The following REV1 variants were observed in gnomAD, a reference collection of about 807,000 sequenced individuals.
The protein encoded by REV1 is REV1 DNA directed polymerase.
A neutral mutation model predicts 137.4 loss-of-function variants in REV1; 42 were observed. The observed-to-expected ratio is 0.31, with a 90% CI of 0.24 to 0.40. The LOEUF is 0.40. Among genes scored for constraint, REV1 ranks in the 10% least tolerant of loss-of-function variants. The pLI is 1.00. For missense variants in REV1, 1,282 were observed against 1,490.1 expected (o/e 0.86, Z 2.30); for synonymous variants, 524 against 519.2 (o/e 1.01, Z -0.12).
intron 4 of REV1, among the ~76,000 whole-genome samples, chr2:99,445,165 C>T (rs1019557279): frequency 2.0e-5 from 3 of 150,590 alleles, no homozygotes; most frequent in African/African-American, 4.9e-5. Flanking sequence ...GCAAAAAAAA[C>T]TCATGAGAGA....
chr2:99,457,854 A>C (rs1478266543), intron 3 of REV1, among the ~76,000 whole-genome samples: 2 of 152,196 alleles, frequency 1.3e-5, no homozygotes, highest in African/African-American at 4.8e-5. Context: ...CACAAACATC[A>C]ATGGAAGAGA....
rs536067341 is a variant in REV1 at position 99,412,887 on chromosome 2, C to G, written c.2016G>C (p.Gln672His). ...TTTGGAGTTTTGCCATGGTCATATACTGCAAGTCTCCACAAGTTTTAATTC... is the reference window on the plus strand; with the variant it reads ...TTTGGAGTTTTGCCATGGTCATATAGTGCAAGTCTCCACAAGTTTTAATTC... ...SLGIKTCGDL[Q>H]YMTMAKLQKE... Residue 672 changes from glutamine (Q) to histidine (H), a missense_variant, in exon 13 of 23, where the codon CAG (glutamine) becomes CAC (histidine). This residue lies in a region of REV1 where 372 missense variants were observed against 482.3 expected (regional missense o/e 0.77). Coordinates refer to ENST00000258428, the MANE Select transcript of REV1 (RefSeq NM_016316.4). 6.2e-7 allele frequency: 1 copy of G among 1,614,134 alleles called. No homozygotes were observed. The highest frequency in any genetic ancestry group is 1.3e-5 in the African/African-American group (1 of 75,038).
Position 99,477,217 on chromosome 2 carries a change from C to A in REV1, c.-10-12232G>T, listed in dbSNP as rs564833894. On this transcript the variant is annotated intron_variant, in intron 1 of 22. Transcript: ENST00000258428. ...AACCAGAGACTACATTTCCCACGCTCCTCTCAAAATCGGGGGTGGCCATGT... is the reference window on the plus strand; with the variant it reads ...AACCAGAGACTACATTTCCCACGCTACTCTCAAAATCGGGGGTGGCCATGT... 4.2e-4 allele frequency among the ~76,000 whole-genome samples: 64 copies of A among 152,346 alleles called. 1 individual carries two copies. In the South Asian group the frequency reaches 0.013, roughly 32 times the overall value.
intron 1 of REV1, among the ~76,000 whole-genome samples, chr2:99,489,045 T>G (rs1236486030): frequency 1.3e-5 from 2 of 152,174 alleles, no homozygotes; most frequent in East Asian, 3.9e-4. Context: ...TATGTGAGAT[T>G]ATTTCTTTAC....
At chr2:99,480,343 T>G (rs1274103747) in intron 1 of REV1, among the ~76,000 whole-genome samples, 1 of 152,084 alleles carries the variant, frequency 6.6e-6, no homozygotes, top group East Asian at 1.9e-4. Flanking sequence ...CAAAAAGATG[T>G]TTAGGACAAC....
At chr2:99,439,662 A>G (rs1228966550) in intron 5 of REV1, among the ~76,000 whole-genome samples, 2 of 152,220 alleles carry the variant, frequency 1.3e-5, no homozygotes, top group Non-Finnish European at 2.9e-5. Flanking sequence ...AAAAACCCAA[A>G]AAACTTTTCA....
At position 99,439,085 on chromosome 2, in the gene REV1, C is replaced by T; in HGVS notation, c.729G>A (p.Val243=). ...NGALKTQDCL[V]PMVNSVASRL... is the part of the protein sequence containing the mutation. ...TGCTGGCAACACTGTTGACCATGGG[C>T]ACCAAGCAATCCTGTGTCTTTAAGG... Residue 243 remains valine (V), a synonymous_variant, in exon 6 of 23, where the codon GTG becomes GTA. Transcript: ENST00000258428. 1.2e-6 allele frequency: 2 copies of T among 1,614,068 alleles called. No homozygotes were observed. Among genetic ancestry groups the T allele is most frequent in the South Asian group, 1.1e-5 (1 of 91,054 alleles).
At chr2:99,472,606 C>T (rs1051349731) in intron 1 of REV1, among the ~76,000 whole-genome samples, 2 of 152,214 alleles carry the variant, frequency 1.3e-5, no homozygotes. Context: ...CTGCAAGCTG[C>T]AGTGGACAGG....
At chr2:99,446,650 A>G (rs1350868351) in intron 4 of REV1, among the ~76,000 whole-genome samples, 1 of 151,890 alleles carries the variant, frequency 6.6e-6, no homozygotes, top group Non-Finnish European at 1.5e-5. Context: ...ACCCAACACC[A>G]TGCCTGGCTA....
intron 3 of REV1, among the ~76,000 whole-genome samples, chr2:99,450,853 A>G (rs1682844712): frequency 6.6e-6 from 1 of 152,226 alleles, no homozygotes; most frequent in Admixed American, 6.5e-5. Flanking sequence ...TCAATTTAGA[A>G]TAGCCATATT....
At chr2:99,464,245 T>C (rs998169405) in intron 2 of REV1, among the ~76,000 whole-genome samples, 1 of 152,236 alleles carries the variant, frequency 6.6e-6, no homozygotes, top group Non-Finnish European at 1.5e-5. Flanking sequence ...AATTATTAGG[T>C]CTTTAAATTA....
At chr2:99,464,365 A>G (rs923676000) in intron 2 of REV1, among the ~76,000 whole-genome samples, 1 of 152,234 alleles carries the variant, frequency 6.6e-6, no homozygotes, top group Non-Finnish European at 1.5e-5. Flanking sequence ...GTTTCTTTTC[A>G]GAAAATACAG....
intron 9 of REV1, among the ~76,000 whole-genome samples, chr2:99,428,722 A>G (rs11887109): frequency 0.63 from 96,042 of 152,154 alleles, 31,372 homozygotes; most frequent in African/African-American, 0.79. Context: ...TAGGCCAGGC[A>G]CAGTGGCTCA....
intron 8 of REV1, among the ~76,000 whole-genome samples, 161 bp downstream of exon 8, chr2:99,434,171 C>T (rs1167894691): frequency 6.6e-6 from 1 of 152,150 alleles, no homozygotes; most frequent in Non-Finnish European, 1.5e-5. Flanking sequence ...AAATATCACC[C>T]TCCAATTCAA....
chr2:99,462,348 AAAG>A, intron 3 of REV1, 145 bp downstream of exon 3: 1 of 746,892 alleles, frequency 1.3e-6, no homozygotes, highest in Non-Finnish European at 2.1e-6. Flanking sequence ...TGGAAAGGAA[AAAG>A]AAGTATCTAA....
In REV1 at chr2:99,404,612, A is replaced by G; in HGVS notation, c.2877T>C (p.Ala959=). 1.2e-6 allele frequency: 2 copies of G among 1,613,528 alleles called. No individual in the cohort carries two copies. Among genetic ancestry groups the G allele is most frequent in the Non-Finnish European group, 1.7e-6 (2 of 1,179,898 alleles). Residue 959 remains alanine (A), a synonymous_variant, in exon 18 of 23, where the codon GCT becomes GCC. Coordinates refer to ENST00000258428, the MANE Select transcript of REV1 (RefSeq NM_016316.4). ...DLREQVEQVC[A]VQQAESHGDK... is the part of the protein sequence containing the mutation. ...CGCCATGTGACTCTGCTTGCTGGAC[A>G]GCACAGACTTGCTCTACTTGTTCCC... is the stretch of plus-strand genomic sequence containing the variant.
intron 22 of REV1, 21 bp downstream of exon 22, chr2:99,402,221 TGA>T: frequency 9.8e-7 from 1 of 1,019,954 alleles, no homozygotes; most frequent in Admixed American, 2.5e-5. Context: ...TTTTCCCATT[TGA>T]TAAAAGTGAT....
chr2:99,421,075 T>C (rs181290241), intron 11 of REV1, among the ~76,000 whole-genome samples: 12 of 152,266 alleles, frequency 7.9e-5, no homozygotes, highest in Admixed American at 2.6e-4. Flanking sequence ...CTGAGAGCAC[T>C]TGGAGTCAGG....
chr2:99,401,332 T>A lies in REV1; in HGVS notation c.3665A>T (p.Glu1222Val), dbSNP rs1207893685. The change falls in exon 23 of 23, where the codon GAA (glutamate) becomes GTA (valine). Residue 1222 changes from glutamate (E) to valine (V), a missense_variant. Coordinates refer to ENST00000258428, the MANE Select transcript of REV1 (RefSeq NM_016316.4). ...GTCAAATGCCATATTCCAAACCGAT[T>A]CCACCGATTGCTGCATCAGCCTAAA... ...YMKRLMQQSV[E>V]SVWNMAFDFI... 1.9e-6 allele frequency: 3 copies of A among 1,613,024 alleles called. No homozygotes were observed. The highest frequency in any genetic ancestry group is 2.5e-6 in the Non-Finnish European group (3 of 1,179,434).
Sources: allele counts gnomAD v4.1 joint callset (sites outside exome capture counted in the v4.1 genomes callset), GRCh38; gene constraint gnomAD v4.1.1; regional missense constraint gnomAD v4.1.1; transcripts MANE v1.5; gene names NCBI Gene and HGNC (gene_info 2026-07-23, HGNC 2026-07-21).